Variants in PRKN observed in about 807,000 individuals in gnomAD.
PRKN encodes parkin RBR E3 ubiquitin protein ligase, also known as E3 ubiquitin-protein ligase parkin.
In PRKN, 56 loss-of-function variants were observed where a neutral mutation model predicts 59.5. The ratio of observed to expected loss-of-function variants is 0.94; its 90% CI spans 0.76 to 1.18. The LOEUF (loss-of-function observed/expected upper bound fraction) is 1.18, where lower values mean the gene tolerates loss of function less well. Among genes scored for constraint, PRKN ranks in the 50% most tolerant of loss-of-function variants. The probability of loss-of-function intolerance (pLI) is 0.00; values close to 1 mark genes in which losing one functional copy is unlikely to be tolerated. For missense variants in PRKN, 657 were observed against 596.4 expected (o/e 1.10, Z -1.06); for synonymous variants, 250 against 222.1 (o/e 1.13, Z -1.12).
At chr6:161,835,797 C>A (rs1471056306) in intron 6 of PRKN, among the ~76,000 whole-genome samples, 1 of 152,170 alleles carries the variant, frequency 6.6e-6, no homozygotes, top group Non-Finnish European at 1.5e-5. Flanking sequence ...GCATGGGTGA[C>A]CCCTGTCTCT....
Position 161,470,655 on chromosome 6 carries a change from C to G in PRKN, c.1083+78199G>C, listed in dbSNP as rs1790748229. ...ACATGCTTGCCCTTCAGACTATGCC[C>G]CAGGCACCTGAGCCCCAGAATTCCC... On this transcript the variant is annotated intron_variant, in intron 9 of 11. Coordinates refer to ENST00000366898, the MANE Select transcript of PRKN (RefSeq NM_004562.3). This position sits in a 1 kb window ranked among gnomAD's most constrained non-coding sequence, Gnocchi z 5.1. Among the ~76,000 whole-genome samples, 1 of 152,214 alleles carries G rather than the reference C, an allele frequency of 6.6e-6. No individual in the cohort carries two copies. Among genetic ancestry groups the G allele is most frequent in the Non-Finnish European group, 1.5e-5 (1 of 68,038 alleles).
At position 161,433,683 on chromosome 6, in the gene PRKN, T is replaced by A. The variant is rs139711282; in HGVS notation, c.1084-46806A>T. Among the ~76,000 whole-genome samples, 1,220 of 152,246 alleles carry A rather than the reference T, an allele frequency of 8.0e-3. 14 individuals carry two copies. Among genetic ancestry groups the A allele is most frequent in the East Asian group, 0.06 (312 of 5,172 alleles). On this transcript the variant is annotated intron_variant, in intron 9 of 11. Transcript: ENST00000366898. ...CTCTGGTGTACAGATTCTATTTCTG[T>A]CATTTAAAAGATTGCTGTCTCTCTT...
intron 2 of PRKN, among the ~76,000 whole-genome samples, chr6:162,439,283 T>TCTTC (rs896369769): frequency 2.6e-5 from 4 of 152,010 alleles, no homozygotes; most frequent in Admixed American, 2.0e-4. Flanking sequence ...GTTGGGGATT[T>TCTTC]CTTCCTTCCT....
At chr6:161,420,146 G>A (rs1465033976) in intron 9 of PRKN, among the ~76,000 whole-genome samples, 1 of 151,374 alleles carries the variant, frequency 6.6e-6, no homozygotes, top group African/African-American at 2.4e-5. Context: ...GCTGAGACAG[G>A]AGAATTGCTT....
intron 6 of PRKN, among the ~76,000 whole-genome samples, chr6:161,864,570 C>T (rs1351962859): frequency 6.6e-6 from 1 of 152,290 alleles, no homozygotes; most frequent in Non-Finnish European, 1.5e-5. Flanking sequence ...TTGTCTTTCA[C>T]CCATGAATCA....
chr6:162,657,177 T>C lies in PRKN; in HGVS notation c.7+70485A>G, dbSNP rs538789879. ...TAGAATGAATGAATGAAAAAATGAA[T>C]ACATTGATGCAATTATCCATAGTAG... On this transcript the variant is annotated intron_variant, in intron 1 of 11. Coordinates refer to ENST00000366898, the MANE Select transcript of PRKN (RefSeq NM_004562.3). Among the ~76,000 whole-genome samples the C allele has an allele frequency of 4.6e-5, 7 of 152,300 alleles. No individual in the cohort carries two copies. The South Asian group carries it at 1.4e-3, about 32-fold the overall frequency.
At chr6:162,373,109 CTAA>C (rs1242702559) in intron 2 of PRKN, among the ~76,000 whole-genome samples, 3 of 151,834 alleles carry the variant, frequency 2.0e-5, no homozygotes, top group Non-Finnish European at 2.9e-5. Context: ...CCTACCACAA[CTAA>C]TGAGACCTGA....
intron 1 of PRKN, among the ~76,000 whole-genome samples, chr6:162,488,303 G>T (rs1217273212): frequency 1.3e-5 from 2 of 152,080 alleles, no homozygotes; most frequent in Non-Finnish European, 2.9e-5. Flanking sequence ...ACGCCCCTAT[G>T]CCTGATCCTA....
chr6:161,663,776 C>T (rs12210817), intron 7 of PRKN, among the ~76,000 whole-genome samples: 58,857 of 152,122 alleles, frequency 0.39, 12,800 homozygotes, highest in Non-Finnish European at 0.49. Context: ...TCCATTCTTC[C>T]CTTGCCTCCT....
intron 2 of PRKN, among the ~76,000 whole-genome samples, chr6:162,388,658 C>T (rs1017348867): frequency 2.6e-5 from 4 of 152,120 alleles, no homozygotes; most frequent in African/African-American, 9.7e-5. Flanking sequence ...AACACTGCTG[C>T]CATGGGTGGA....
At position 161,860,597 on chromosome 6, in the gene PRKN, T is replaced by C. The variant is rs184932789; in HGVS notation, c.735-74689A>G. ...TAGTTTTAAAACCTTGGAGTCTGTT[T>C]TTTTTCTTGTAAATTTGTTGAAGTT... On this transcript the variant is annotated intron_variant, in intron 6 of 11. Coordinates refer to ENST00000366898, the MANE Select transcript of PRKN (RefSeq NM_004562.3). Among the ~76,000 whole-genome samples, 222 of 152,338 alleles carry C rather than the reference T, an allele frequency of 1.5e-3. 1 individual carries two copies. Among genetic ancestry groups the C allele is most frequent in the Admixed American group, 2.6e-3 (40 of 15,306 alleles).
At chr6:162,428,837 G>C (rs1053165382) in intron 2 of PRKN, among the ~76,000 whole-genome samples, 1 of 152,064 alleles carries the variant, frequency 6.6e-6, no homozygotes, top group African/African-American at 2.4e-5. Context: ...CCTCCCTTAT[G>C]GCCTTGGCAT....
intron 2 of PRKN, among the ~76,000 whole-genome samples, chr6:162,390,979 T>A (rs1787153991): frequency 6.6e-6 from 1 of 152,208 alleles, no homozygotes; most frequent in Non-Finnish European, 1.5e-5. Flanking sequence ...GCACCTTCTT[T>A]TAATTCAGAT....
chr6:161,505,211 G>A (rs944668000), intron 9 of PRKN, among the ~76,000 whole-genome samples: 2 of 152,078 alleles, frequency 1.3e-5, no homozygotes, highest in East Asian at 3.9e-4. Flanking sequence ...TTTAATGATC[G>A]CCATTCTAAC....
intron 5 of PRKN, among the ~76,000 whole-genome samples, chr6:162,029,114 C>T (rs899920642): frequency 2.0e-5 from 3 of 152,060 alleles, no homozygotes; most frequent in Admixed American, 6.6e-5. Context: ...TTGCCCTGCC[C>T]TTACTAGTAG....
At chr6:162,296,787 A>G (rs1265975180) in intron 2 of PRKN, among the ~76,000 whole-genome samples, 2 of 152,198 alleles carry the variant, frequency 1.3e-5, no homozygotes, top group African/African-American at 4.8e-5. Flanking sequence ...GTTGAATTTC[A>G]CTTAGAAAAG....
At chr6:162,104,781 C>T (rs781495222) in intron 4 of PRKN, among the ~76,000 whole-genome samples, 15 of 151,886 alleles carry the variant, frequency 9.9e-5, no homozygotes, top group South Asian at 2.1e-4. Flanking sequence ...AGGAGGAAAA[C>T]GACAAAAATA....
chr6:162,339,170 G>T (rs1440569365), intron 2 of PRKN, among the ~76,000 whole-genome samples: 1 of 145,064 alleles, frequency 6.9e-6, no homozygotes, highest in African/African-American at 2.5e-5. Context: ...GAGCCTCTCC[G>T]CCCGGCAGCC....
At chr6:162,410,320 G>GC (rs1788290177) in intron 2 of PRKN, among the ~76,000 whole-genome samples, 1 of 151,998 alleles carries the variant, frequency 6.6e-6, no homozygotes, top group East Asian at 1.9e-4. Flanking sequence ...ACCAGAGTTT[G>GC]CCCCCATTGG....
Sources: gnomAD v4.1 joint callset for allele counts (sites outside exome capture counted in the v4.1 genomes callset) on GRCh38, gnomAD v4.1.1 for gene constraint, Gnocchi (gnomAD v3.1) non-coding constraint, MANE v1.5 for transcripts, NCBI Gene and HGNC (gene_info 2026-07-23, HGNC 2026-07-21) for gene names.